The following SPATA17 variants were observed in gnomAD, a reference collection of about 807,000 sequenced individuals.
SPATA17 encodes spermatogenesis associated 17, also known as spermatogenesis-associated protein 17.
In SPATA17, 53 loss-of-function variants were observed where a neutral mutation model predicts 62.2. That is an observed-to-expected ratio of 0.85 (90% CI 0.68 to 1.07). The LOEUF (loss-of-function observed/expected upper bound fraction) is 1.07, where lower values mean the gene tolerates loss of function less well. SPATA17 is among the 50% of genes least tolerant of loss of function. The pLI is 0.00. For synonymous variants in SPATA17, 146 were observed against 146.8 expected, an observed-to-expected ratio of 0.99 and a Z score of 0.04; for missense variants, 466 against 425.5, an observed-to-expected ratio of 1.10 and a Z score of -0.84.
intron 4 of SPATA17, among the ~76,000 whole-genome samples, chr1:217,673,135 C>T (rs958026871): frequency 2.0e-5 from 3 of 152,020 alleles, no homozygotes; most frequent in African/African-American, 7.3e-5. Flanking sequence ...TCTGACTATA[C>T]TGTAATGATG....
chr1:217,711,941 TG>T (rs1247351423), intron 5 of SPATA17, among the ~76,000 whole-genome samples: 1 of 152,098 alleles, frequency 6.6e-6, no homozygotes, highest in Non-Finnish European at 1.5e-5. Flanking sequence ...GGAAGGGACT[TG>T]AGGTAGATAT....
chr1:217,690,924 A>G (rs890927617), intron 5 of SPATA17, among the ~76,000 whole-genome samples: 2 of 146,190 alleles, frequency 1.4e-5, no homozygotes, highest in Non-Finnish European at 3.0e-5. Context: ...AGTCTTTGCT[A>G]TTGTGAATAA....
intron 9 of SPATA17, among the ~76,000 whole-genome samples, chr1:217,827,008 G>A (rs1255874685): frequency 6.6e-6 from 1 of 151,832 alleles, no homozygotes; most frequent in Admixed American, 6.6e-5. Context: ...TCTTTTTCTA[G>A]TCTACTGGTA....
At chr1:217,633,078 G>C (rs1192299855) in intron 1 of SPATA17, among the ~76,000 whole-genome samples, 1 of 152,038 alleles carries the variant, frequency 6.6e-6, no homozygotes, top group Non-Finnish European at 1.5e-5. Context: ...CACGCCTGTA[G>C]TCCCAGCTAC....
chr1:217,654,681 T>C (rs1326738820), intron 3 of SPATA17, among the ~76,000 whole-genome samples: 1 of 151,878 alleles, frequency 6.6e-6, no homozygotes, highest in Non-Finnish European at 1.5e-5. Flanking sequence ...TGCCCCCTTA[T>C]CTCTCAATAT....
chr1:217,658,821 A>G (rs142921340), intron 3 of SPATA17, among the ~76,000 whole-genome samples: 1 of 152,196 alleles, frequency 6.6e-6, no homozygotes, highest in African/African-American at 2.4e-5. Flanking sequence ...GTATTCCCTT[A>G]TAGTATGCAA....
intron 4 of SPATA17, among the ~76,000 whole-genome samples, chr1:217,669,403 T>C (rs1467662183): frequency 3.3e-5 from 5 of 152,148 alleles, no homozygotes; most frequent in Admixed American, 6.5e-5. Flanking sequence ...TTGTGATAAA[T>C]AGATGAACAT....
intron 8 of SPATA17, among the ~76,000 whole-genome samples, chr1:217,788,686 A>T (rs150282802): frequency 6.6e-6 from 1 of 152,248 alleles, no homozygotes; most frequent in African/African-American, 2.4e-5. Flanking sequence ...TGCCTCTAGA[A>T]GTCACAAAAG....
At chr1:217,696,625 T>C (rs562743024) in intron 5 of SPATA17, among the ~76,000 whole-genome samples, 2 of 152,370 alleles carry the variant, frequency 1.3e-5, no homozygotes, top group South Asian at 2.1e-4. Flanking sequence ...AATAATCAAA[T>C]ATTTATATTC....
At chr1:217,749,669 C>T (rs1672853474) in intron 6 of SPATA17, among the ~76,000 whole-genome samples, 2 of 151,828 alleles carry the variant, frequency 1.3e-5, no homozygotes, top group Admixed American at 1.3e-4. Context: ...AAATGATTTT[C>T]TTTTTAAGTC....
At chr1:217,792,779 GT>G (rs941103214) in intron 8 of SPATA17, among the ~76,000 whole-genome samples, 2 of 151,786 alleles carry the variant, frequency 1.3e-5, no homozygotes, top group East Asian at 1.9e-4. Flanking sequence ...ATCAAATACA[GT>G]TTTTTTTGTG....
chr1:217,691,198 G>T (rs1671346327), intron 5 of SPATA17, among the ~76,000 whole-genome samples: 1 of 148,650 alleles, frequency 6.7e-6, no homozygotes, highest in Admixed American at 6.8e-5. Context: ...GGTGTGAGAT[G>T]ATATCTCATA....
intron 1 of SPATA17, among the ~76,000 whole-genome samples, chr1:217,643,503 C>G (rs1670112149): frequency 6.6e-6 from 1 of 152,056 alleles, no homozygotes; most frequent in South Asian, 2.1e-4. Context: ...TGACATCTTA[C>G]CCCAGGCAGC....
chr1:217,798,800 C>T (rs1002878029), intron 8 of SPATA17, among the ~76,000 whole-genome samples: 52 of 135,728 alleles, frequency 3.8e-4, no homozygotes, highest in African/African-American at 1.4e-3. Flanking sequence ...TAAGACAATA[C>T]GAAACTGCTG....
chr1:217,701,398 C>G (rs1236470137), intron 5 of SPATA17, among the ~76,000 whole-genome samples: 2 of 144,742 alleles, frequency 1.4e-5, no homozygotes, highest in South Asian at 4.3e-4. Flanking sequence ...TTATTTTTTT[C>G]TTTTGACATG....
intron 6 of SPATA17, among the ~76,000 whole-genome samples, chr1:217,771,749 C>G (rs1286999162): frequency 6.6e-6 from 1 of 152,056 alleles, no homozygotes; most frequent in Non-Finnish European, 1.5e-5. Context: ...GAGGAGGTCT[C>G]CATATAGGTT....
At chr1:217,734,916 G>T (rs1672479347) in intron 5 of SPATA17, among the ~76,000 whole-genome samples, 1 of 152,152 alleles carries the variant, frequency 6.6e-6, no homozygotes, top group African/African-American at 2.4e-5. Flanking sequence ...AAGTGAAGTT[G>T]ATGCTGCTGG....
intron 5 of SPATA17, among the ~76,000 whole-genome samples, chr1:217,726,703 C>G (rs1672265845): frequency 6.7e-6 from 1 of 148,992 alleles, no homozygotes; most frequent in African/African-American, 2.5e-5. Flanking sequence ...CCTTGTTTTC[C>G]CATATTTTTG....
At chr1:217,815,701 T>G (rs950468026) in intron 9 of SPATA17, among the ~76,000 whole-genome samples, 4 of 152,154 alleles carry the variant, frequency 2.6e-5, no homozygotes, top group Non-Finnish European at 5.9e-5. Flanking sequence ...GTGGGTCTCA[T>G]TCAATAAGTT....
Sources: allele counts gnomAD v4.1 joint callset (sites outside exome capture counted in the v4.1 genomes callset), GRCh38; gene constraint gnomAD v4.1.1; transcripts MANE v1.5; gene names NCBI Gene and HGNC (gene_info 2026-07-23, HGNC 2026-07-21).